Variants in GABRG3 observed in about 807,000 individuals in gnomAD.
GABRG3 encodes gamma-aminobutyric acid receptor subunit gamma-3.
A neutral mutation model predicts 48.8 loss-of-function variants in GABRG3; 25 were observed. That is an observed-to-expected ratio of 0.51 (90% CI 0.37 to 0.72). GABRG3 has a LOEUF of 0.72. Among genes scored for constraint, GABRG3 ranks in the 30% least tolerant of loss-of-function variants. The pLI is 0.00. For synonymous variants in GABRG3, 227 were observed against 217.6 expected, an observed-to-expected ratio of 1.04 and a Z score of -0.38; for missense variants, 394 against 577.9, an observed-to-expected ratio of 0.68 and a Z score of 3.26.
intron 3 of GABRG3, among the ~76,000 whole-genome samples, chr15:27,112,687 T>A (rs954356648): frequency 6.6e-6 from 1 of 152,030 alleles, no homozygotes; most frequent in Non-Finnish European, 1.5e-5. Flanking sequence ...TGATATGCCC[T>A]CCTCGGCCTC....
intron 9 of GABRG3, among the ~76,000 whole-genome samples, chr15:27,530,094 C>T (rs1160209582): frequency 1.3e-5 from 2 of 152,068 alleles, no homozygotes; most frequent in Non-Finnish European, 2.9e-5. Context: ...CCACCGTTAC[C>T]AATAGAAAGA....
At chr15:27,354,325 A>T (rs925316823) in intron 5 of GABRG3, among the ~76,000 whole-genome samples, 1 of 152,238 alleles carries the variant, frequency 6.6e-6, no homozygotes, top group South Asian at 2.1e-4. Flanking sequence ...GAAGAGCAGG[A>T]TGGAATTCAG....
At chr15:27,420,112 G>A (rs544899969) in intron 5 of GABRG3, among the ~76,000 whole-genome samples, 1 of 152,328 alleles carries the variant, frequency 6.6e-6, no homozygotes, top group East Asian at 1.9e-4. Flanking sequence ...CAGCATTTCT[G>A]TAGAGGGTAG....
chr15:27,393,145 A>G (rs1887191244), intron 5 of GABRG3, among the ~76,000 whole-genome samples: 1 of 152,006 alleles, frequency 6.6e-6, no homozygotes, highest in Non-Finnish European at 1.5e-5. Flanking sequence ...GGAGATTGAG[A>G]CCATCCTGGC....
chr15:27,128,495 G>A (rs1257626986), intron 3 of GABRG3, among the ~76,000 whole-genome samples: 3 of 152,212 alleles, frequency 2.0e-5, no homozygotes, highest in Non-Finnish European at 2.9e-5. Context: ...ATAATCCTGA[G>A]GTTGAGCTGC....
intron 3 of GABRG3, among the ~76,000 whole-genome samples, chr15:27,285,917 A>T (rs1891595608): frequency 6.6e-6 from 1 of 152,176 alleles, no homozygotes; most frequent in Non-Finnish European, 1.5e-5. Flanking sequence ...ATGACCAATG[A>T]GAGTGCATCT....
At chr15:27,223,670 A>G (rs1045201238) in intron 3 of GABRG3, among the ~76,000 whole-genome samples, 3 of 152,292 alleles carry the variant, frequency 2.0e-5, no homozygotes, top group Middle Eastern at 3.4e-3. Flanking sequence ...GCAGATAATG[A>G]TGCTGGACAG....
chr15:27,311,845 A>T (rs949167159), intron 3 of GABRG3, among the ~76,000 whole-genome samples: 1 of 152,136 alleles, frequency 6.6e-6, no homozygotes, highest in Non-Finnish European at 1.5e-5. Flanking sequence ...TGGGCTGATT[A>T]TAAGGGTCTT....
intron 3 of GABRG3, among the ~76,000 whole-genome samples, chr15:27,245,035 G>A (rs370753095): frequency 2.7e-4 from 41 of 152,266 alleles, no homozygotes; most frequent in African/African-American, 9.1e-4. Context: ...CTCACGGGTC[G>A]TGTGGATGAG....
intron 3 of GABRG3, among the ~76,000 whole-genome samples, chr15:27,228,903 A>G (rs1217207423): frequency 2.6e-5 from 4 of 152,068 alleles, no homozygotes; most frequent in East Asian, 1.9e-4. Flanking sequence ...CCACTTTTTA[A>G]TGGGGTTTTT....
At chr15:27,359,859 C>G (rs1271108711) in intron 5 of GABRG3, among the ~76,000 whole-genome samples, 2 of 152,218 alleles carry the variant, frequency 1.3e-5, no homozygotes, top group East Asian at 3.9e-4. Context: ...CTTTTTAAAA[C>G]TTTCAAGTTC....
intron 3 of GABRG3, among the ~76,000 whole-genome samples, chr15:27,175,390 C>A (rs1887714388): frequency 6.6e-6 from 1 of 152,226 alleles, no homozygotes; most frequent in East Asian, 1.9e-4. Context: ...GTGCTATGGC[C>A]ACACTGCCAG....
chr15:27,281,578 T>G (rs1259105115), intron 3 of GABRG3, among the ~76,000 whole-genome samples: 5 of 151,714 alleles, frequency 3.3e-5, no homozygotes, highest in Non-Finnish European at 5.9e-5. Context: ...ACATGATACA[T>G]ATACAACTTT....
Position 26,971,535 on chromosome 15 carries a change from C to T in GABRG3, c.-1C>T, listed in dbSNP as rs926595024. On this transcript the variant is annotated 5_prime_UTR_variant, in exon 1 of 10. Coordinates refer to ENST00000615808, the MANE Select transcript of GABRG3 (RefSeq NM_033223.5). ...CCCTGCGCCCCGAGCTCCACGGCAC[C>T]ATGGCCCCGAAGCTGCTGCTCCTCC... The T allele has an allele frequency of 9.2e-6, 14 of 1,527,860 alleles. No homozygotes were observed. The highest frequency in any genetic ancestry group is 1.2e-5 in the Non-Finnish European group (14 of 1,138,204). 94.6% of individuals were successfully genotyped at this position (1,527,860 alleles called of 1,614,324 possible).
At chr15:27,462,042 C>G (rs1469048718) in intron 5 of GABRG3, among the ~76,000 whole-genome samples, 2 of 152,170 alleles carry the variant, frequency 1.3e-5, no homozygotes, top group African/African-American at 4.8e-5. Flanking sequence ...GTTCTCCTTT[C>G]CCTCATCTGC....
At position 27,137,867 on chromosome 15, in the gene GABRG3, G is replaced by A. The variant is rs551938834; in HGVS notation, c.270+111046G>A. ...AAAGGTTACTTTTATTTTTGTTTAA[G>A]GTAAGTAAAGGTTTTCCCTTCTACT... On this transcript the variant is annotated intron_variant, in intron 3 of 9. Transcript: ENST00000615808. Among the ~76,000 whole-genome samples, 5 of 152,246 alleles carry A rather than the reference G, an allele frequency of 3.3e-5. No homozygotes were observed. In the South Asian group the frequency reaches 1.0e-3, roughly 32 times the overall value.
At chr15:27,270,458 T>G (rs1891046527) in intron 3 of GABRG3, among the ~76,000 whole-genome samples, 1 of 152,152 alleles carries the variant, frequency 6.6e-6, no homozygotes, top group African/African-American at 2.4e-5. Context: ...AAAGTTCTAT[T>G]GAAAGATAGT....
At chr15:27,218,953 A>G (rs1432290648) in intron 3 of GABRG3, among the ~76,000 whole-genome samples, 8 of 152,168 alleles carry the variant, frequency 5.3e-5, no homozygotes, top group Non-Finnish European at 8.8e-5. Context: ...AAATGGATGC[A>G]AATCCCCCTG....
intron 3 of GABRG3, among the ~76,000 whole-genome samples, chr15:27,055,428 C>T (rs928487735): frequency 2.6e-5 from 4 of 152,144 alleles, no homozygotes; most frequent in Admixed American, 6.5e-5. Context: ...TAGATACAGG[C>T]GGAGCATCCC....
Sources: gnomAD v4.1 joint callset for allele counts (sites outside exome capture counted in the v4.1 genomes callset) on GRCh38, gnomAD v4.1.1 for gene constraint, MANE v1.5 for transcripts, NCBI Gene and HGNC (gene_info 2026-07-23, HGNC 2026-07-21) for gene names.